Variants in CCNYL1 observed in about 807,000 individuals in gnomAD.
CCNYL1 encodes the protein cyclin-Y-like protein 1.
In CCNYL1, 16 loss-of-function variants were observed where a neutral mutation model predicts 44.2. The ratio of observed to expected loss-of-function variants is 0.36; its 90% CI spans 0.25 to 0.55. The LOEUF (loss-of-function observed/expected upper bound fraction) is 0.55. CCNYL1 is among the 20% of genes least tolerant of loss of function. The pLI is 0.85. For synonymous variants in CCNYL1, 159 were observed against 163.2 expected, an observed-to-expected ratio of 0.97 and a Z score of 0.20; for missense variants, 348 against 451.8, an observed-to-expected ratio of 0.77 and a Z score of 2.08.
At chr2:207,724,930 T>C in intron 2 of CCNYL1, 56 bp downstream of exon 2, 1 of 1,330,308 alleles carries the variant, frequency 7.5e-7, no homozygotes, top group Non-Finnish European at 1.1e-6. Context: ...GTTTCTATTT[T>C]ATTGGATGTA....
In CCNYL1 at chr2:207,747,054, TAGAA is replaced by T. The variant is rs1232382871; in HGVS notation, c.650_653del (p.Glu217GlyfsTer3). The T allele has an allele frequency of 1.2e-6, 2 of 1,613,756 alleles. No homozygotes were observed. The highest frequency in any genetic ancestry group is 1.7e-6 in the Non-Finnish European group (2 of 1,179,694). ...CAGTGCTCTATTTTACAGGTTTACTTAGAAAGGCTTTTAACTTATGCTGAAATCG... is the reference window on the plus strand; with the variant it reads ...CAGTGCTCTATTTTACAGGTTTACTTAGGCTTTTAACTTATGCTGAAATCG... On this transcript the variant is annotated frameshift_variant, in exon 8 of 10. Transcript: ENST00000295414. LOFTEE classifies it high-confidence loss of function.
At chr2:207,719,647 G>A (rs1210299493) in intron 1 of CCNYL1, among the ~76,000 whole-genome samples, 4 of 152,148 alleles carry the variant, frequency 2.6e-5, no homozygotes, top group African/African-American at 9.7e-5. Context: ...TATATTTTGA[G>A]TTAGGTAGTA....
At chr2:207,724,070 T>A (rs1211399253) in intron 1 of CCNYL1, among the ~76,000 whole-genome samples, 1 of 152,146 alleles carries the variant, frequency 6.6e-6, no homozygotes, top group Non-Finnish European at 1.5e-5. Flanking sequence ...TATCTTGACA[T>A]AGATAGGGGC....
chr2:207,713,609 C>T (rs1351822420), intron 1 of CCNYL1, among the ~76,000 whole-genome samples: 1 of 152,126 alleles, frequency 6.6e-6, no homozygotes, highest in Admixed American at 6.6e-5. Flanking sequence ...TGTTTAAATC[C>T]AGTGGGCTCA....
chr2:207,712,654 T>C (rs914045376), intron 1 of CCNYL1, among the ~76,000 whole-genome samples: 4 of 152,108 alleles, frequency 2.6e-5, no homozygotes, highest in Non-Finnish European at 5.9e-5. Flanking sequence ...AAATAGAGGT[T>C]GCCATAGGAG....
chr2:207,742,400 G>A, intron 7 of CCNYL1, 58 bp downstream of exon 7: 1 of 1,447,116 alleles, frequency 6.9e-7, no homozygotes, highest in Non-Finnish European at 9.3e-7. Context: ...CACAGGGTAT[G>A]GTCCTATTTT....
intron 5 of CCNYL1, among the ~76,000 whole-genome samples, chr2:207,739,236 A>G (rs1370321309): frequency 6.6e-6 from 1 of 150,960 alleles, no homozygotes; most frequent in Non-Finnish European, 1.5e-5. Context: ...AAAACTTTTT[A>G]TTTATTTATC....
intron 4 of CCNYL1, among the ~76,000 whole-genome samples, chr2:207,736,988 T>G (rs2091770717): frequency 6.6e-6 from 1 of 151,764 alleles, no homozygotes; most frequent in South Asian, 2.1e-4. Context: ...CGATCTCGGC[T>G]CACTGCAAGC....
intron 1 of CCNYL1, 52 bp downstream of exon 1, chr2:207,712,168 C>T (rs866178406): frequency 1.3e-6 from 2 of 1,509,240 alleles, no homozygotes; most frequent in Non-Finnish European, 1.8e-6. Flanking sequence ...TGCCCGCCTC[C>T]TCCCCCAGAG....
intron 8 of CCNYL1, among the ~76,000 whole-genome samples, chr2:207,747,907 T>TTTCA (rs147302428): frequency 0.018 from 2,702 of 152,200 alleles, 73 homozygotes; most frequent in African/African-American, 0.059. Flanking sequence ...CCTTTCTCTT[T>TTTCA]TTCATTCATT....
At chr2:207,715,997 C>T (rs1404305921) in intron 1 of CCNYL1, among the ~76,000 whole-genome samples, 1 of 152,136 alleles carries the variant, frequency 6.6e-6, no homozygotes, top group Admixed American at 6.6e-5. Flanking sequence ...AGAGATGCTC[C>T]TAAGAACCTA....
chr2:207,753,760 AC>A lies in CCNYL1; in HGVS notation c.*64del. The A allele has an allele frequency of 1.9e-6, 2 of 1,050,854 alleles. No homozygotes were observed. 65.1% of individuals were successfully genotyped at this position (1,050,854 alleles called of 1,614,324 possible). A position where few individuals can be genotyped will look rare whatever the true frequency, so the allele number is the denominator to read the frequency against. On this transcript the variant is annotated 3_prime_UTR_variant, in exon 10 of 10. Transcript: ENST00000295414. ...CATCTACAAAGACTGGAGAAATACC[AC>A]CTTTCCTGCTCAAAAACCAGCAAAA...
intron 9 of CCNYL1, among the ~76,000 whole-genome samples, chr2:207,751,430 A>C (rs1008862885): frequency 6.6e-6 from 1 of 152,152 alleles, no homozygotes; most frequent in Non-Finnish European, 1.5e-5. Flanking sequence ...TACATGAATA[A>C]TTTTTTTAGC....
intron 5 of CCNYL1, among the ~76,000 whole-genome samples, chr2:207,738,010 G>A (rs867576595): frequency 1.8e-4 from 26 of 147,392 alleles, no homozygotes; most frequent in African/African-American, 5.5e-4. Context: ...TTTGCAATTA[G>A]TTTTTTTTTT....
chr2:207,721,459 A>G (rs1175800075), intron 1 of CCNYL1, among the ~76,000 whole-genome samples: 1 of 152,192 alleles, frequency 6.6e-6, no homozygotes, highest in African/African-American at 2.4e-5. Context: ...ACATCTGTGA[A>G]ATTGAGATGG....
At chr2:207,742,450 T>G (rs745648520) in intron 7 of CCNYL1, 108 bp downstream of exon 7, 1 of 1,019,692 alleles carries the variant, frequency 9.8e-7, no homozygotes, top group African/African-American at 1.6e-5. Flanking sequence ...ATCAGAACTT[T>G]AAGAGAAACC....
At chr2:207,729,957 C>T (rs2091714128) in intron 3 of CCNYL1, among the ~76,000 whole-genome samples, 1 of 152,086 alleles carries the variant, frequency 6.6e-6, no homozygotes, top group South Asian at 2.1e-4. Context: ...CTCAAGTTCA[C>T]CCACCTCAGC....
intron 8 of CCNYL1, among the ~76,000 whole-genome samples, chr2:207,748,228 A>G (rs1469569180): frequency 6.6e-6 from 1 of 152,180 alleles, no homozygotes; most frequent in African/African-American, 2.4e-5. Context: ...AGGAAGCTCC[A>G]GCGTTCCCCT....
At chr2:207,746,175 C>T (rs2091853413) in intron 7 of CCNYL1, among the ~76,000 whole-genome samples, 1 of 152,160 alleles carries the variant, frequency 6.6e-6, no homozygotes, top group Non-Finnish European at 1.5e-5. Flanking sequence ...CTTGTGGAGG[C>T]ACTGAATACG....
Sources: gnomAD v4.1 joint callset for allele counts (sites outside exome capture counted in the v4.1 genomes callset) on GRCh38, gnomAD v4.1.1 for gene constraint, MANE v1.5 for transcripts, NCBI Gene and HGNC (gene_info 2026-07-23, HGNC 2026-07-21) for gene names.